Variants in PARD3 observed in about 807,000 individuals in gnomAD.
PARD3 encodes the protein par-3 family cell polarity regulator.
PARD3 carries 75 observed loss-of-function variants against 155.4 expected under a neutral mutation model. That is an observed-to-expected ratio of 0.48 (90% CI 0.40 to 0.58). The LOEUF is 0.58. Among genes scored for constraint, PARD3 ranks in the 20% least tolerant of loss-of-function variants. The pLI is 0.00. For missense variants in PARD3, 1,642 were observed against 1,721.7 expected, an observed-to-expected ratio of 0.95 and a Z score of 0.82; for synonymous variants, 576 against 610.5, an observed-to-expected ratio of 0.94 and a Z score of 0.83.
At chr10:34,484,750 G>C (rs1289594184) in intron 3 of PARD3, among the ~76,000 whole-genome samples, 1 of 152,198 alleles carries the variant, frequency 6.6e-6, no homozygotes, top group African/African-American at 2.4e-5. Flanking sequence ...ACATCTAAGA[G>C]AGGCACTGTC....
chr10:34,517,280 G>GT (rs1333818164), intron 2 of PARD3, 121 bp from the exon 3 acceptor site: 1 of 838,286 alleles, frequency 1.2e-6, no homozygotes, highest in Non-Finnish European at 1.7e-6. Context: ...CCCTAGAATG[G>GT]TAAGTTTTAC....
At chr10:34,261,697 A>AAAGAAAGAAAGG (rs1554820226) in intron 22 of PARD3, among the ~76,000 whole-genome samples, 1,850 of 116,500 alleles carry the variant, frequency 0.016, 189 homozygotes, top group African/African-American at 0.09. Context: ...TCAAAGAAAG[A>AAAGAAAGAAAGG]AAGGAAGAAA....
chr10:34,794,076 G>T (rs1413489431), intron 1 of PARD3, among the ~76,000 whole-genome samples: 1 of 151,734 alleles, frequency 6.6e-6, no homozygotes, highest in Non-Finnish European at 1.5e-5. Flanking sequence ...TCAATCTCCC[G>T]TAAGTACAAA....
rs775142014 is a variant in PARD3, at chr10:34,516,961, G to T, written c.403+18C>A. The T allele has an allele frequency of 7.5e-6, 12 of 1,608,748 alleles. No homozygotes were observed. The highest frequency in any genetic ancestry group is 9.4e-6 in the Non-Finnish European group (11 of 1,175,566). ...TAAATTAAGATGAAATGGAAGAGAA[G>T]AAAGAGCTTTCACTTACTTGCTCGA... On this transcript the variant is annotated intron_variant, in intron 3 of 24. Coordinates refer to ENST00000374788, the MANE Select transcript of PARD3 (RefSeq NM_001184785.2).
intron 15 of PARD3, among the ~76,000 whole-genome samples, chr10:34,347,365 A>T (rs1837541317): frequency 1.3e-5 from 2 of 152,238 alleles, no homozygotes; most frequent in Non-Finnish European, 2.9e-5. Context: ...CTCATTACCC[A>T]CTGGGGGCCA....
intron 3 of PARD3, among the ~76,000 whole-genome samples, chr10:34,501,716 C>T (rs1368662017): frequency 6.6e-6 from 1 of 151,798 alleles, no homozygotes; most frequent in African/African-American, 2.4e-5. Context: ...CAAAATAATG[C>T]CCTCCCACCC....
At chr10:34,512,673 C>T (rs1159973890) in intron 3 of PARD3, among the ~76,000 whole-genome samples, 1 of 152,094 alleles carries the variant, frequency 6.6e-6, no homozygotes, top group African/African-American at 2.4e-5. Flanking sequence ...AGGAGTTTTT[C>T]TTCCCTCCAC....
chr10:34,278,798 C>G (rs903193346), intron 21 of PARD3, among the ~76,000 whole-genome samples: 2 of 152,162 alleles, frequency 1.3e-5, no homozygotes, highest in African/African-American at 4.8e-5. Flanking sequence ...TGAGAACAGA[C>G]TAATATACTG....
At chr10:34,170,277 C>T (rs953780699) in intron 22 of PARD3, among the ~76,000 whole-genome samples, 15 of 152,116 alleles carry the variant, frequency 9.9e-5, no homozygotes, top group East Asian at 5.8e-4. Context: ...TTGTAGAGAC[C>T]GGTCTTGCTA....
chr10:34,774,600 T>C (rs1216891584), intron 1 of PARD3, among the ~76,000 whole-genome samples: 1 of 152,198 alleles, frequency 6.6e-6, no homozygotes, highest in Non-Finnish European at 1.5e-5. Flanking sequence ...CATGACACAA[T>C]GCAACTGTAA....
intron 22 of PARD3, among the ~76,000 whole-genome samples, chr10:34,184,384 T>C (rs1053535465): frequency 5.9e-5 from 9 of 152,158 alleles, no homozygotes; most frequent in Non-Finnish European, 1.2e-4. Context: ...CTAACTTGCA[T>C]ATCCACTCTG....
chr10:34,428,469 A>G (rs1332128143), intron 5 of PARD3, among the ~76,000 whole-genome samples: 1 of 152,206 alleles, frequency 6.6e-6, no homozygotes, highest in Non-Finnish European at 1.5e-5. Context: ...TGGGCCTCAT[A>G]GTGAGATCCC....
chr10:34,325,956 A>G (rs990502902), intron 19 of PARD3, among the ~76,000 whole-genome samples: 1 of 152,014 alleles, frequency 6.6e-6, no homozygotes, highest in Non-Finnish European at 1.5e-5. Context: ...CCCCGTCTCT[A>G]CTAAAAATAC....
At chr10:34,705,750 G>A (rs1325429487) in intron 1 of PARD3, among the ~76,000 whole-genome samples, 1 of 152,068 alleles carries the variant, frequency 6.6e-6, no homozygotes, top group Non-Finnish European at 1.5e-5. Context: ...CAATACCAAT[G>A]CCAAAACCTC....
intron 2 of PARD3, among the ~76,000 whole-genome samples, chr10:34,645,085 T>C (rs1170367460): frequency 2.6e-5 from 4 of 152,204 alleles, no homozygotes; most frequent in Admixed American, 2.6e-4. Flanking sequence ...ACTCCTGGCC[T>C]CAAATGATCC....
At chr10:34,260,848 T>A (rs950703046) in intron 22 of PARD3, among the ~76,000 whole-genome samples, 3 of 152,220 alleles carry the variant, frequency 2.0e-5, no homozygotes, top group Non-Finnish European at 2.9e-5. Context: ...ACATGTTTAA[T>A]AAGTGCCTAT....
intron 1 of PARD3, among the ~76,000 whole-genome samples, chr10:34,726,286 T>C (rs760246810): frequency 1.3e-5 from 2 of 152,094 alleles, no homozygotes; most frequent in East Asian, 3.9e-4. Context: ...TGTGTCTCTA[T>C]TAAAAACACA....
chr10:34,518,128 C>T (rs2081905587), intron 2 of PARD3, among the ~76,000 whole-genome samples: 1 of 152,238 alleles, frequency 6.6e-6, no homozygotes, highest in Non-Finnish European at 1.5e-5. Context: ...TTCTGCCCGC[C>T]TCAGCCTCCC....
chr10:34,433,998 G>A (rs762737246), intron 5 of PARD3, among the ~76,000 whole-genome samples: 7 of 152,198 alleles, frequency 4.6e-5, no homozygotes, highest in African/African-American at 1.7e-4. Context: ...AATTTGGAAA[G>A]TGCAAGGATG....
Sources: allele counts gnomAD v4.1 joint callset (sites outside exome capture counted in the v4.1 genomes callset), GRCh38; gene constraint gnomAD v4.1.1; transcripts MANE v1.5; gene names NCBI Gene and HGNC (gene_info 2026-07-23, HGNC 2026-07-21).